The following DSE variants were observed in gnomAD, a reference collection of about 807,000 sequenced individuals.
DSE encodes the protein dermatan sulfate epimerase, also known as dermatan-sulfate epimerase.
DSE carries 36 observed loss-of-function variants against 84.4 expected under a neutral mutation model. The observed-to-expected ratio is 0.43, with a 90% CI of 0.33 to 0.56. The LOEUF is 0.56. DSE is among the 20% of genes least tolerant of loss of function. The pLI, the probability that DSE is intolerant of heterozygous loss-of-function variation, is 0.06. For missense variants in DSE, 862 were observed against 1,169.6 expected, an observed-to-expected ratio of 0.74 and a Z score of 3.84; for synonymous variants, 410 against 430.1, an observed-to-expected ratio of 0.95 and a Z score of 0.58.
At chr6:116,305,018 A>G (rs959284223) in intron 2 of DSE, among the ~76,000 whole-genome samples, 1 of 152,194 alleles carries the variant, frequency 6.6e-6, no homozygotes, top group African/African-American at 2.4e-5. Context: ...TCCACTTAAC[A>G]TTCAAAATCA....
chr6:116,277,607 A>G (rs1161957918), intron 2 of DSE: 2 of 152,206 alleles, frequency 1.3e-5, no homozygotes, highest in Non-Finnish European at 2.9e-5. Flanking sequence ...CCAAAATGAA[A>G]TAAAAACCTT....
chr6:116,301,156 T>TGAGG (rs202239683), intron 2 of DSE, among the ~76,000 whole-genome samples: 2,413 of 148,818 alleles, frequency 0.016, 29 homozygotes, highest in Middle Eastern at 0.048. Flanking sequence ...GACAGAGCAG[T>TGAGG]GAGGGAGGGA....
chr6:116,386,100 T>G (rs1415015113), intron 1 of DSE, among the ~76,000 whole-genome samples: 1 of 152,344 alleles, frequency 6.6e-6, no homozygotes, highest in Admixed American at 6.5e-5. Flanking sequence ...AAAAAATGTG[T>G]CAGTCCAGTG....
intron 2 of DSE, among the ~76,000 whole-genome samples, chr6:116,362,947 T>C (rs951379660): frequency 2.0e-5 from 3 of 152,202 alleles, no homozygotes; most frequent in Non-Finnish European, 4.4e-5. Context: ...TCCCAAGTTA[T>C]CATGGTTTAT....
chr6:116,270,747 A>G (rs573235876), intron 2 of DSE, among the ~76,000 whole-genome samples: 1 of 152,232 alleles, frequency 6.6e-6, no homozygotes, highest in Non-Finnish European at 1.5e-5. Flanking sequence ...AGATCAAGCT[A>G]TTCAAACTTA....
At chr6:116,274,894 A>G (rs1198612863) in intron 2 of DSE, among the ~76,000 whole-genome samples, 1 of 152,212 alleles carries the variant, frequency 6.6e-6, no homozygotes, top group Non-Finnish European at 1.5e-5. Flanking sequence ...CAGATATTTT[A>G]TATGCTTTCA....
Position 116,399,609 on chromosome 6 carries a change from T to C in DSE, c.359T>C (p.Ile120Thr), listed in dbSNP as rs147451395. The change falls in exon 2 of 6, where the codon ATT becomes ACT. Residue 120 changes from isoleucine (I) to threonine (T), a missense_variant. By Grantham distance (89) the Ile-to-Thr change is moderately conservative. Transcript: ENST00000644252. ...TTCTGTGTGCTGTATCCTGAGAACA[T>C]TGAAGCCCGAGACATGGCCAAAGAC... ...AMFCVLYPEN[I>T]EARDMAKDYM... 69 of 1,614,242 alleles carry C rather than the reference T, an allele frequency of 4.3e-5. 1 individual carries two copies. The Middle Eastern group carries it at 6.6e-4, about 15-fold the overall frequency.
intron 1 of DSE, among the ~76,000 whole-genome samples, chr6:116,391,938 C>G (rs1470725511): frequency 6.6e-6 from 1 of 151,966 alleles, no homozygotes; most frequent in African/African-American, 2.4e-5. Context: ...TATTTCACTA[C>G]AAAAATTTAC....
intron 2 of DSE, among the ~76,000 whole-genome samples, chr6:116,360,792 T>A (rs1343338569): frequency 1.3e-5 from 2 of 152,190 alleles, no homozygotes; most frequent in Non-Finnish European, 2.9e-5. Context: ...TTGACATTTT[T>A]AATTTTTTTT....
At chr6:116,398,466 G>A (rs931676575) in intron 1 of DSE, among the ~76,000 whole-genome samples, 2 of 152,136 alleles carry the variant, frequency 1.3e-5, no homozygotes, top group African/African-American at 2.4e-5. Flanking sequence ...AAATGCACCC[G>A]TGTTATTTCA....
intron 2 of DSE, among the ~76,000 whole-genome samples, chr6:116,415,896 C>T (rs1782672438): frequency 6.6e-6 from 1 of 152,186 alleles, no homozygotes; most frequent in South Asian, 2.1e-4. Flanking sequence ...TAACAAATTA[C>T]CACATACTCA....
At chr6:116,410,529 C>T (rs553986581) in intron 2 of DSE, among the ~76,000 whole-genome samples, 3 of 152,028 alleles carry the variant, frequency 2.0e-5, no homozygotes, top group African/African-American at 4.8e-5. Flanking sequence ...GTCAGGAGAT[C>T]GAGACCATCA....
At chr6:116,375,643 A>G in intron 1 of DSE, 1 of 798,800 alleles carries the variant, frequency 1.3e-6, no homozygotes, top group Non-Finnish European at 1.5e-6. Context: ...GAATCAAACT[A>G]GAAAGAGAAA....
In DSE at chr6:116,332,132, GCAA is replaced by G. The variant is rs563436133; in HGVS notation, c.-53-67060_-53-67058del. ...TTTAAAAATTTCATTTCTATGATGAGCAACAACAGAAAATAAAACTGAAAATAA... is the reference window on the plus strand; with the variant it reads ...TTTAAAAATTTCATTTCTATGATGAGCAACAGAAAATAAAACTGAAAATAA... On this transcript the variant is annotated intron_variant, in intron 2 of 3. Coordinates refer to the DSE transcript ENST00000430252. 7.8e-4 allele frequency among the ~76,000 whole-genome samples: 119 copies of G among 152,022 alleles called. 1 individual carries two copies. The highest frequency in any genetic ancestry group is 1.6e-4 in the Non-Finnish European group (11 of 67,984).
At chr6:116,266,001 C>T (rs1180377328) in intron 2 of DSE, among the ~76,000 whole-genome samples, 5 of 152,124 alleles carry the variant, frequency 3.3e-5, no homozygotes, top group African/African-American at 4.8e-5. Context: ...TTCCAGAGGC[C>T]GCGTGAGAGT....
intron 2 of DSE, among the ~76,000 whole-genome samples, chr6:116,309,690 G>C (rs1775561603): frequency 6.6e-6 from 1 of 152,236 alleles, no homozygotes; most frequent in African/African-American, 2.4e-5. Context: ...TGATTGTCCA[G>C]TGAAGACGTG....
chr6:116,299,539 TATATATATATATACACATACACAC>T (rs1774892412), intron 2 of DSE, among the ~76,000 whole-genome samples: 1 of 23,580 alleles, frequency 4.2e-5, no homozygotes, highest in African/African-American at 2.5e-4. Context: ...TATATATATA[TATATATATATATACACATACACAC>T]ACACACACAC....
chr6:116,285,107 A>G (rs1773801496), intron 2 of DSE, among the ~76,000 whole-genome samples: 1 of 152,186 alleles, frequency 6.6e-6, no homozygotes, highest in African/African-American at 2.4e-5. Context: ...TGACTTCCAC[A>G]ATGGTTGAAC....
At chr6:116,278,126 C>A in intron 2 of DSE, 1 of 294,732 alleles carries the variant, frequency 3.4e-6, no homozygotes, top group Non-Finnish European at 6.7e-6. Flanking sequence ...CTGCTCAATG[C>A]AGAGCTGAGT....
Sources: allele counts gnomAD v4.1 joint callset (sites outside exome capture counted in the v4.1 genomes callset), GRCh38; gene constraint gnomAD v4.1.1; transcripts MANE v1.5; gene names NCBI Gene and HGNC (gene_info 2026-07-23, HGNC 2026-07-21).